Variants in CORIN observed in about 807,000 individuals in gnomAD.
The protein encoded by CORIN is corin, serine peptidase.
A neutral mutation model predicts 125.3 loss-of-function variants in CORIN; 117 were observed. The ratio of observed to expected loss-of-function variants is 0.93; its 90% CI spans 0.80 to 1.09. CORIN has a LOEUF of 1.09. Among genes scored for constraint, CORIN ranks in the 50% least tolerant of loss-of-function variants. The pLI, the probability that CORIN is intolerant of heterozygous loss-of-function variation, is 0.00. For missense variants in CORIN, 1,253 were observed against 1,306.7 expected (o/e 0.96, Z 0.63); for synonymous variants, 450 against 466.4 (o/e 0.96, Z 0.45).
At chr4:47,698,786 T>C (rs1726154630) in intron 5 of CORIN, among the ~76,000 whole-genome samples, 1 of 152,186 alleles carries the variant, frequency 6.6e-6, no homozygotes, top group South Asian at 2.1e-4. Context: ...TTCTTAACAA[T>C]GGACTACATA....
At chr4:47,624,540 T>C (rs192238241) in intron 17 of CORIN, among the ~76,000 whole-genome samples, 7 of 152,154 alleles carry the variant, frequency 4.6e-5, no homozygotes, top group Non-Finnish European at 7.4e-5. Flanking sequence ...ATATGAGAAG[T>C]TGACAAGAGG....
intron 12 of CORIN, among the ~76,000 whole-genome samples, chr4:47,659,421 G>T (rs1382331710): frequency 2.6e-5 from 4 of 152,168 alleles, no homozygotes; most frequent in African/African-American, 9.7e-5. Context: ...AAAGAAAAGA[G>T]GTTTAATTGA....
In CORIN at chr4:47,645,184, C is replaced by G; in HGVS notation, c.1854G>C (p.Glu618Asp). ...DSDEENCGCK[E>D]RDLWECPSNK... is the part of the protein sequence containing the mutation. ...TGGATGGACATTCCCAAAGATCTCT[C>G]TCTTTACAACCTAGAGACAGAAGAA... The change falls in exon 14 of 22, where the codon GAG becomes GAC. Residue 618 changes from glutamate to aspartate, a missense_variant. Glu to Asp is a conservative substitution (Grantham distance 45). Coordinates refer to ENST00000273857, the MANE Select transcript of CORIN (RefSeq NM_006587.4). The G allele has an allele frequency of 6.3e-7, 1 of 1,588,616 alleles. No homozygotes were observed. The highest frequency in any genetic ancestry group is 8.6e-7 in the Non-Finnish European group (1 of 1,158,334).
chr4:47,645,756 C>A (rs1031442931), intron 13 of CORIN, among the ~76,000 whole-genome samples: 2 of 151,886 alleles, frequency 1.3e-5, no homozygotes, highest in African/African-American at 4.8e-5. Context: ...CAAGGTAGTG[C>A]GTGCCTGTAA....
At chr4:47,691,062 G>T (rs1434015706) in intron 6 of CORIN, among the ~76,000 whole-genome samples, 1 of 152,212 alleles carries the variant, frequency 6.6e-6, no homozygotes, top group Non-Finnish European at 1.5e-5. Flanking sequence ...CAAATGCCTT[G>T]CAAAACAGTA....
At chr4:47,623,842 G>A (rs1722442472) in intron 18 of CORIN, 57 bp downstream of exon 18, 1 of 1,605,444 alleles carries the variant, frequency 6.2e-7, no homozygotes, top group South Asian at 1.1e-5. Context: ...CTCTTCCCCT[G>A]AGCCAATCCA....
chr4:47,799,884 G>A (rs1323216703), intron 2 of CORIN, among the ~76,000 whole-genome samples: 1 of 152,106 alleles, frequency 6.6e-6, no homozygotes, highest in Admixed American at 6.6e-5. Flanking sequence ...ATAAACTATG[G>A]TATATCCATA....
intron 5 of CORIN, among the ~76,000 whole-genome samples, chr4:47,705,525 C>T (rs939085809): frequency 1.8e-4 from 27 of 152,298 alleles, no homozygotes; most frequent in Non-Finnish European, 3.5e-4. Context: ...GGCCACAATA[C>T]ACCAAAAACA....
chr4:47,665,235 G>A lies in CORIN; in HGVS notation c.1386C>T (p.Leu462=). The change falls in exon 11 of 22, where the codon CTC becomes CTT. Residue 462 remains leucine, a synonymous_variant. Transcript: ENST00000273857. ...TACTGTTGTAGGGCAAATTCATGCA[G>A]AGTTCCAATGTAATTGGTTCACATT... ...CSQCEPITLE[L]CMNLPYNSTS... 1 of 1,613,692 alleles carries A rather than the reference G, an allele frequency of 6.2e-7. No homozygotes were observed. The highest frequency in any genetic ancestry group is 2.2e-5 in the East Asian group (1 of 44,862).
At position 47,665,175 on chromosome 4, in the gene CORIN, T is replaced by C. The variant is rs1560495845; in HGVS notation, c.1446A>G (p.Gln482=). The change falls in exon 11 of 22, where the codon CAA becomes CAG. Residue 482 remains glutamine, a synonymous_variant. Transcript: ENST00000273857. ...SYPNYFGHRT[Q]KEASISWESS... is the part of the protein sequence containing the mutation. ...ACTCCCAGCTGATGGATGCTTCCTT[T>C]TGAGTCCTGTGGCCAAAATAATTTG... is the stretch of plus-strand genomic sequence containing the variant. The C allele has an allele frequency of 1.9e-6, 3 of 1,613,916 alleles. No homozygotes were observed. The highest frequency in any genetic ancestry group is 2.5e-6 in the Non-Finnish European group (3 of 1,179,930).
chr4:47,600,247 A>G lies in CORIN; in HGVS notation c.2913T>C (p.Ala971=), dbSNP rs761449863. Residue 971 remains alanine, a synonymous_variant, in exon 21 of 22, where the codon GCT becomes GCC. Coordinates refer to ENST00000273857, the MANE Select transcript of CORIN (RefSeq NM_006587.4). ...MKTITTRMIC[A]GYESGTVDSC... ...AATCAACTGTGCCAGACTCATAGCCAGCACATATCATCCGAGTGGTGATGG... is the reference window on the plus strand; with the variant it reads ...AATCAACTGTGCCAGACTCATAGCCGGCACATATCATCCGAGTGGTGATGG... 1.9e-6 allele frequency: 3 copies of G among 1,613,922 alleles called. No individual in the cohort carries two copies. The highest frequency in any genetic ancestry group is 2.2e-5 in the East Asian group (1 of 44,878).
chr4:47,817,011 A>G (rs1193711992), intron 1 of CORIN, among the ~76,000 whole-genome samples: 1 of 152,194 alleles, frequency 6.6e-6, no homozygotes, highest in Non-Finnish European at 1.5e-5. Context: ...CTCTGGATAC[A>G]AGGCACAGCC....
At chr4:47,814,463 G>C (rs1295285856) in intron 1 of CORIN, among the ~76,000 whole-genome samples, 1 of 152,088 alleles carries the variant, frequency 6.6e-6, no homozygotes, top group East Asian at 1.9e-4. Context: ...CCTCATTTAA[G>C]ATGAAAAATG....
At chr4:47,642,859 A>C (rs1175709076) in intron 15 of CORIN, 1 of 1,455,670 alleles carries the variant, frequency 6.9e-7, no homozygotes, top group African/African-American at 1.4e-5. Context: ...GTTGGGTTTT[A>C]ATGAAGAGTT....
chr4:47,698,370 G>A (rs1325486808), intron 5 of CORIN, among the ~76,000 whole-genome samples: 3 of 151,774 alleles, frequency 2.0e-5, no homozygotes, highest in Non-Finnish European at 4.4e-5. Flanking sequence ...GGGAGTCTCA[G>A]GAAGATTCAA....
At chr4:47,664,735 T>TA (rs901196567) in intron 11 of CORIN, among the ~76,000 whole-genome samples, 5 of 152,224 alleles carry the variant, frequency 3.3e-5, no homozygotes, top group South Asian at 2.1e-4. Flanking sequence ...CATACTTTTT[T>TA]AAAAAAATGG....
At chr4:47,645,492 T>G (rs1723427905) in intron 13 of CORIN, among the ~76,000 whole-genome samples, 1 of 151,962 alleles carries the variant, frequency 6.6e-6, no homozygotes, top group Non-Finnish European at 1.5e-5. Context: ...CTTAAAAAGT[T>G]TTGACCTCTG....
At chr4:47,664,965 C>A in intron 11 of CORIN, 67 bp downstream of exon 11, 11 of 1,048,824 alleles carry the variant, frequency 1.0e-5, no homozygotes. Context: ...CCAAACTCAA[C>A]TAAGTCTTCA....
At chr4:47,671,562 A>G (rs1724760304) in intron 10 of CORIN, among the ~76,000 whole-genome samples, 1 of 152,148 alleles carries the variant, frequency 6.6e-6, no homozygotes, top group East Asian at 1.9e-4. Context: ...ACTGCAAGTT[A>G]GGCACATACG....
Sources: gnomAD v4.1 joint callset for allele counts (sites outside exome capture counted in the v4.1 genomes callset) on GRCh38, gnomAD v4.1.1 for gene constraint, MANE v1.5 for transcripts, NCBI Gene and HGNC (gene_info 2026-07-23, HGNC 2026-07-21) for gene names.